The following STK3 variants were observed in gnomAD, a reference collection of about 807,000 sequenced individuals.
The protein encoded by STK3 is serine/threonine-protein kinase 3.
In STK3, 41 loss-of-function variants were observed where a neutral mutation model predicts 58.0. The ratio of observed to expected loss-of-function variants is 0.71; its 90% CI spans 0.55 to 0.92. The LOEUF (loss-of-function observed/expected upper bound fraction) is 0.92, where lower values mean the gene tolerates loss of function less well. Among genes scored for constraint, STK3 ranks in the 40% least tolerant of loss-of-function variants. The probability of loss-of-function intolerance (pLI) is 0.00; values close to 1 mark genes in which losing one functional copy is unlikely to be tolerated. For missense variants in STK3, 479 were observed against 602.7 expected (o/e 0.79, Z 2.15); for synonymous variants, 170 against 191.0 (o/e 0.89, Z 0.91).
intron 6 of STK3, among the ~76,000 whole-genome samples, chr8:98,616,850 C>G (rs1817773862): frequency 6.7e-6 from 1 of 149,722 alleles, no homozygotes; most frequent in Non-Finnish European, 1.5e-5. Context: ...TAGACTCCCA[C>G]ACATTAATAA....
upstream of STK3, among the ~76,000 whole-genome samples, chr8:98,389,435 G>C (rs1817825826): frequency 6.6e-6 from 1 of 152,102 alleles, no homozygotes; most frequent in South Asian, 2.1e-4. Context: ...GATAGCTAAA[G>C]CTTCAAATAA....
chr8:98,771,319 C>T (rs1831304146), intron 2 of STK3, among the ~76,000 whole-genome samples: 1 of 152,174 alleles, frequency 6.6e-6, no homozygotes, highest in African/African-American at 2.4e-5. Flanking sequence ...AGACATATCA[C>T]GTTTTGTTTA....
chr8:98,710,568 C>A (rs1389061682), intron 4 of STK3, among the ~76,000 whole-genome samples: 1 of 152,230 alleles, frequency 6.6e-6, no homozygotes, highest in Non-Finnish European at 1.5e-5. Flanking sequence ...TGAGATCAAA[C>A]TGCAATGCGG....
chr8:98,509,845 T>G (rs1363041124), intron 10 of STK3, among the ~76,000 whole-genome samples: 2 of 152,018 alleles, frequency 1.3e-5, no homozygotes, highest in East Asian at 3.8e-4. Context: ...ATAACAAAGA[T>G]GTGAAAATCT....
chr8:98,485,574 A>G (rs1355782440), intron 10 of STK3, among the ~76,000 whole-genome samples: 1 of 152,246 alleles, frequency 6.6e-6, no homozygotes, highest in African/African-American at 2.4e-5. Context: ...GTTTAACAGA[A>G]CAGATAGGTT....
At chr8:98,736,866 C>A (rs1263410671) in intron 4 of STK3, among the ~76,000 whole-genome samples, 1 of 152,104 alleles carries the variant, frequency 6.6e-6, no homozygotes, top group Non-Finnish European at 1.5e-5. Context: ...GCAAATTATA[C>A]ATAGACAATA....
chr8:98,579,311 G>A (rs908471335), intron 8 of STK3, among the ~76,000 whole-genome samples: 8 of 152,120 alleles, frequency 5.3e-5, no homozygotes, highest in African/African-American at 1.2e-4. Context: ...GCTATGGTAC[G>A]TTTTATCTAC....
In STK3 at chr8:98,579,679, C is replaced by T. The variant is rs1440583504; in HGVS notation, c.933G>A (p.Glu311=). The part of the protein sequence containing the change: ...RHEEQQRELE[E]EEENSDEDEL... ...AATTACAAACCGAATTTTCTTCTTCCTCTTCCAATTCTCGTTGCTGTTCCT... is the reference window on the plus strand; with the variant it reads ...AATTACAAACCGAATTTTCTTCTTCTTCTTCCAATTCTCGTTGCTGTTCCT... The change falls in exon 8 of 11, where the codon GAG becomes GAA. Residue 311 remains glutamate (E), a synonymous_variant. Transcript: ENST00000419617. The T allele has an allele frequency of 1.2e-6, 2 of 1,606,344 alleles. No individual in the cohort carries two copies. The highest frequency in any genetic ancestry group is 1.7e-6 in the Non-Finnish European group (2 of 1,178,100).
chr8:98,659,346 A>ATACAAATGATTACATAT, intron 6 of STK3, among the ~76,000 whole-genome samples: 1 of 152,134 alleles, frequency 6.6e-6, no homozygotes, highest in Non-Finnish European at 1.5e-5. Context: ...TGGACTTAAT[A>ATACAAATGATTACATAT]ACACCTTACA....
intron 6 of STK3, among the ~76,000 whole-genome samples, chr8:98,671,886 C>T (rs1320743632): frequency 6.6e-6 from 1 of 152,086 alleles, no homozygotes; most frequent in Non-Finnish European, 1.5e-5. Flanking sequence ...GGGGCAGTTT[C>T]CCCCTGCTGT....
rs141725495 is a variant in STK3 at position 98,604,324 on chromosome 8, G to A, written c.685-8155C>T. Among the ~76,000 whole-genome samples, 670 of 152,294 alleles carry A rather than the reference G, an allele frequency of 4.4e-3. 5 individuals are homozygous for A. Among genetic ancestry groups the A allele is most frequent in the African/African-American group, 0.014 (591 of 41,554 alleles). On this transcript the variant is annotated intron_variant, in intron 6 of 10. Transcript: ENST00000419617. The stretch of plus-strand genomic sequence containing the variant: ...CATCCAGGGCACACTGATAAAAGGC[G>A]TGGGCTCCCAAAGCCTTCAGCCACT...
At chr8:98,869,454 A>C (rs1401540302) in intron 3 of STK3, among the ~76,000 whole-genome samples, 2 of 152,082 alleles carry the variant, frequency 1.3e-5, no homozygotes, top group Non-Finnish European at 2.9e-5. Flanking sequence ...ATAATAAAGA[A>C]TCTCTAGATG....
downstream of STK3, among the ~76,000 whole-genome samples, chr8:98,368,836 C>T (rs1459248569): frequency 6.6e-6 from 1 of 152,144 alleles, no homozygotes; most frequent in East Asian, 1.9e-4. Context: ...TAGGCCTTCT[C>T]GGAACATTGA....
intron 7 of STK3, among the ~76,000 whole-genome samples, chr8:98,586,202 T>C (rs1320115758): frequency 1.8e-4 from 28 of 151,720 alleles, no homozygotes; most frequent in Non-Finnish European, 4.0e-4. Flanking sequence ...CTTCCAGTTT[T>C]TGCCCATTCA....
intron 1 of STK3, among the ~76,000 whole-genome samples, chr8:98,795,413 T>C (rs958479901): frequency 6.7e-6 from 1 of 149,164 alleles, no homozygotes; most frequent in African/African-American, 2.5e-5. Context: ...GAGCCATCTA[T>C]GACAACTCCA....
the STK3 span, among the ~76,000 whole-genome samples, chr8:98,351,257 A>G: frequency 2.0e-5 from 3 of 152,122 alleles, no homozygotes; most frequent in Non-Finnish European, 4.4e-5. Context: ...TTAAATACAC[A>G]GTTACTTGTG....
chr8:98,930,628 C>T (rs761567492), intron 1 of STK3, among the ~76,000 whole-genome samples: 22 of 152,146 alleles, frequency 1.4e-4, no homozygotes, highest in Non-Finnish European at 2.8e-4. Context: ...TTTGTTGTTT[C>T]TAACAGCCTT....
intron 4 of STK3, among the ~76,000 whole-genome samples, chr8:98,740,115 T>C (rs1190257881): frequency 6.6e-6 from 1 of 152,242 alleles, no homozygotes; most frequent in East Asian, 1.9e-4. Context: ...GATCTTCGTC[T>C]CACTGGTGTA....
intron 6 of STK3, among the ~76,000 whole-genome samples, chr8:98,656,376 C>T (rs916985212): frequency 7.2e-5 from 11 of 152,002 alleles, no homozygotes; most frequent in African/African-American, 2.2e-4. Flanking sequence ...AGGAGATATA[C>T]CTAATGCTAA....
Sources: gnomAD v4.1 joint callset for allele counts (sites outside exome capture counted in the v4.1 genomes callset) on GRCh38, gnomAD v4.1.1 for gene constraint, MANE v1.5 for transcripts, NCBI Gene and HGNC (gene_info 2026-07-23, HGNC 2026-07-21) for gene names.